COL11A2: variants seen among roughly 807,000 people sequenced by gnomAD.
COL11A2 encodes collagen type XI alpha 2 chain, also known as collagen alpha-2(XI) chain.
A neutral mutation model predicts 273.4 loss-of-function variants in COL11A2; 116 were observed. The ratio of observed to expected loss-of-function variants is 0.42; its 90% CI spans 0.36 to 0.49. The LOEUF (loss-of-function observed/expected upper bound fraction) is 0.49. COL11A2 is among the 20% of genes least tolerant of loss of function. The pLI, the probability that COL11A2 is intolerant of heterozygous loss-of-function variation, is 0.00. For synonymous variants in COL11A2, 782 were observed against 864.2 expected (o/e 0.90, Z 1.67); for missense variants, 1,866 against 2,309.0 (o/e 0.81, Z 3.93).
At position 33,189,859 on chromosome 6, in the gene COL11A2, C is replaced by T. The variant is rs1310015317; in HGVS notation, c.83-390G>A. Among the ~76,000 whole-genome samples, 3 of 152,166 alleles carry T rather than the reference C, an allele frequency of 2.0e-5. No homozygotes were observed. The highest frequency in any genetic ancestry group is 4.4e-5 in the Non-Finnish European group (3 of 68,006). Reference sequence around the variant, plus strand: ...TCTCTTTATGTTGGTCTTTCTGTCTCTGTCTCTTCTGTCTTCCTCCATTTC... The same window carrying T: ...TCTCTTTATGTTGGTCTTTCTGTCTTTGTCTCTTCTGTCTTCCTCCATTTC... On this transcript the variant is annotated intron_variant, in intron 1 of 65. Transcript: ENST00000341947. The surrounding 1 kb of genome is among the most constrained non-coding windows in gnomAD (Gnocchi z 5.6).
Position 33,169,284 on chromosome 6 carries a change from C to T in COL11A2, c.3798+99G>A, listed in dbSNP as rs115196704. The T allele has an allele frequency of 9.1e-3, 10,424 of 1,144,754 alleles. 212 individuals carry two copies. The highest frequency in any genetic ancestry group is 0.067 in the African/African-American group (4,358 of 65,256). 70.9% of individuals were successfully genotyped at this position (1,144,754 alleles called of 1,614,324 possible). ...CCAGAGCATCCCCCAAACTCCCGGGCTCCCCACACTCCAAGATCCTCCCTC... is the reference window on the plus strand; with the variant it reads ...CCAGAGCATCCCCCAAACTCCCGGGTTCCCCACACTCCAAGATCCTCCCTC... On this transcript the variant is annotated intron_variant, in intron 51 of 65. Coordinates refer to ENST00000341947, the MANE Select transcript of COL11A2 (RefSeq NM_080680.3). The surrounding 1 kb of genome is among the most constrained non-coding windows in gnomAD (Gnocchi z 5.5).
chr6:33,185,358 G>A (rs768610492), intron 6 of COL11A2, among the ~76,000 whole-genome samples: 4 of 152,150 alleles, frequency 2.6e-5, no homozygotes, highest in Non-Finnish European at 5.9e-5. Context: ...GCTGGGCATC[G>A]GGAAAGGGGA....
At position 33,172,650 on chromosome 6, in the gene COL11A2, A is replaced by G; in HGVS notation, c.2791-13T>C. On this transcript the variant is annotated splice_polypyrimidine_tract_variant and intron_variant, in intron 38 of 65. Coordinates refer to ENST00000341947, the MANE Select transcript of COL11A2 (RefSeq NM_080680.3). ...CTCCTGCTGCTCCCTAGACAAAAGC[A>G]GAGAGAGTTCCTGCTCTCAGGCCCT... 6.2e-7 allele frequency: 1 copy of G among 1,608,312 alleles called. No homozygotes were observed. Among genetic ancestry groups the G allele is most frequent in the Non-Finnish European group, 8.5e-7 (1 of 1,177,126 alleles).
At chr6:33,180,820 G>A (rs1324585370) in intron 10 of COL11A2, 90 bp from the exon 11 acceptor site, 3 of 1,564,526 alleles carry the variant, frequency 1.9e-6, no homozygotes, top group Admixed American at 3.4e-5. Context: ...GTGCAGAACA[G>A]ATCTGGGAAT....
chr6:33,176,912 G>C lies in COL11A2; in HGVS notation c.2070+80C>G, dbSNP rs56149439. 5.8e-6 allele frequency: 9 copies of C among 1,546,532 alleles called. No homozygotes were observed. In the Admixed American group the frequency reaches 1.7e-4, roughly 29 times the overall value. ...ACCACCAGTGACCTTTCAGTGCAAG[G>C]GTCACTAAAGGAGCTCTGAGGTCAT... On this transcript the variant is annotated intron_variant, in intron 25 of 65. Transcript: ENST00000341947. This position sits in a 1 kb window ranked among gnomAD's most constrained non-coding sequence, Gnocchi z 4.9.
At position 33,177,037 on chromosome 6, in the gene COL11A2, T is replaced by C. The variant is rs1042674772; in HGVS notation, c.2025A>G (p.Gln675=). 2 of 1,612,156 alleles carry C rather than the reference T, an allele frequency of 1.2e-6. No individual in the cohort carries two copies. Among genetic ancestry groups the C allele is most frequent in the Non-Finnish European group, 8.5e-7 (1 of 1,179,644 alleles). Residue 675 remains glutamine (Q), a synonymous_variant, in exon 25 of 66, where the codon CAA becomes CAG. Transcript: ENST00000341947. This position sits in a 1 kb window ranked among gnomAD's most constrained non-coding sequence, Gnocchi z 5.9. ...GCATGCCGGGGAGCCCTGGCTTCCCTTGAGGACCCTGCAGGAAGACAAAGA... is the reference window on the plus strand; with the variant it reads ...GCATGCCGGGGAGCCCTGGCTTCCCCTGAGGACCCTGCAGGAAGACAAAGA... ...AIGPHGEKGP[Q]GKPGLPGMPG... is the part of the protein sequence containing the mutation.
rs1194279117 is a variant in COL11A2, at chr6:33,170,721, TGCATCG to T, written c.3474+83_3474+88del. Reference sequence around the variant, plus strand: ...CTCAGACTCCGCAGGCCCTCCAGTCTGCATCGGCAGGCTGCTGGCAGAGTCTGGGGC... The same window carrying T: ...CTCAGACTCCGCAGGCCCTCCAGTCTGCAGGCTGCTGGCAGAGTCTGGGGC... On this transcript the variant is annotated intron_variant, in intron 46 of 65. Coordinates refer to ENST00000341947, the MANE Select transcript of COL11A2 (RefSeq NM_080680.3). This position sits in a 1 kb window ranked among gnomAD's most constrained non-coding sequence, Gnocchi z 4.3. 2.0e-5 allele frequency: 32 copies of T among 1,581,752 alleles called. No individual in the cohort carries two copies. Among genetic ancestry groups the T allele is most frequent in the Non-Finnish European group, 2.8e-5 (32 of 1,152,012 alleles).
Position 33,163,302 on chromosome 6 carries a change from CTT to C in COL11A2, c.*374_*375del. 4.0e-6 allele frequency: 1 copy of C among 253,116 alleles called. No homozygotes were observed. The allele number at this position is 253,116 out of a possible 1,614,324, so 15.7% of individuals were successfully genotyped here. A position where few individuals can be genotyped will look rare whatever the true frequency, so the allele number is the denominator to read the frequency against. ...TCTGCTGATTTTTGTTGGCGTTTCT[CTT>C]TTTTGTTATTTTGCTTTCCACACTT... On this transcript the variant is annotated 3_prime_UTR_variant, in exon 66 of 66. Coordinates refer to ENST00000341947, the MANE Select transcript of COL11A2 (RefSeq NM_080680.3). This position sits in a 1 kb window ranked among gnomAD's most constrained non-coding sequence, Gnocchi z 4.1.
chr6:33,167,773 C>T lies in COL11A2; in HGVS notation c.4014+26G>A. ...GGGGTGGGAGGCGGAGGGGATGCTC[C>T]AGCACTAGGGCAGCCTGTCCCTCAC... On this transcript the variant is annotated intron_variant, in intron 55 of 65. Coordinates refer to ENST00000341947, the MANE Select transcript of COL11A2 (RefSeq NM_080680.3). This position sits in a 1 kb window ranked among gnomAD's most constrained non-coding sequence, Gnocchi z 6.1. The T allele has an allele frequency of 1.2e-6, 2 of 1,612,508 alleles. No individual in the cohort carries two copies. Among genetic ancestry groups the T allele is most frequent in the Non-Finnish European group, 1.7e-6 (2 of 1,179,812 alleles).
rs200947059 is a variant in COL11A2 at position 33,164,845 on chromosome 6, C to G, written c.4863+7G>C. 1.3e-6 allele frequency: 2 copies of G among 1,553,428 alleles called. No homozygotes were observed. Among genetic ancestry groups the G allele is most frequent in the South Asian group, 2.4e-5 (2 of 84,168 alleles). ...CAGGGGAGGGGCAGCGAGGGGCCAGCTCTCACCTGCGTGACGTCATCCCTA... is the reference window on the plus strand; with the variant it reads ...CAGGGGAGGGGCAGCGAGGGGCCAGGTCTCACCTGCGTGACGTCATCCCTA... On this transcript the variant is annotated splice_region_variant and intron_variant, in intron 64 of 65. Coordinates refer to ENST00000341947, the MANE Select transcript of COL11A2 (RefSeq NM_080680.3). The surrounding 1 kb of genome is among the most constrained non-coding windows in gnomAD (Gnocchi z 4.7).
Position 33,163,616 on chromosome 6 carries a change from C to T in COL11A2, c.*62G>A, listed in dbSNP as rs1337534960. On this transcript the variant is annotated 3_prime_UTR_variant, in exon 66 of 66. Transcript: ENST00000341947. This position sits in a 1 kb window ranked among gnomAD's most constrained non-coding sequence, Gnocchi z 4.1. ...AGCCCTCTTGGGAGGTGGCACAGAG[C>T]TGATGTTGTGGGATTCCAGGTGGGC... is the stretch of plus-strand genomic sequence containing the variant. 1.2e-6 allele frequency: 2 copies of T among 1,612,056 alleles called. No homozygotes were observed. Among genetic ancestry groups the T allele is most frequent in the Non-Finnish European group, 1.7e-6 (2 of 1,179,282 alleles).
intron 6 of COL11A2, among the ~76,000 whole-genome samples, chr6:33,185,322 A>T (rs560780713): frequency 1.3e-5 from 2 of 152,250 alleles, no homozygotes; most frequent in South Asian, 4.2e-4. Context: ...GGGCGGGGCC[A>T]GGCAGTGGGG....
At chr6:33,183,431 G>C (rs370799187) in intron 8 of COL11A2, among the ~76,000 whole-genome samples, 1 of 152,196 alleles carries the variant, frequency 6.6e-6, no homozygotes, top group African/African-American at 2.4e-5. Flanking sequence ...TGACAGTGAA[G>C]GGTAATTCTT....
intron 29 of COL11A2, 134 bp downstream of exon 29, chr6:33,175,882 G>T (rs1039296674): frequency 3.3e-6 from 4 of 1,202,624 alleles, no homozygotes; most frequent in East Asian, 4.6e-5. Context: ...TCCTGTAGGG[G>T]TCAGGCTCCC....
rs574268850 is a variant in COL11A2 at position 33,186,494 on chromosome 6, G to A, written c.798+133C>T. On this transcript the variant is annotated intron_variant, in intron 5 of 65. Transcript: ENST00000341947. ...TTTAGATGAAAATAAAAAGGCTGAT[G>A]AATGAGGACTAGGAGGAGGGGGTGA... 5.6e-4 allele frequency: 857 copies of A among 1,525,174 alleles called. 1 individual carries two copies. Among genetic ancestry groups the A allele is most frequent in the Non-Finnish European group, 7.1e-4 (811 of 1,137,972 alleles). The allele number at this position is 1,525,174 out of a possible 1,614,324, so 94.5% of individuals were successfully genotyped here.
At chr6:33,174,483 G>A (rs1428147981) in intron 31 of COL11A2, 44 bp downstream of exon 31, 2 of 1,605,728 alleles carry the variant, frequency 1.2e-6, no homozygotes, top group South Asian at 1.1e-5. Flanking sequence ...AAGCGAAGAG[G>A]AGGAGGGAAG....
chr6:33,188,926 A>G, intron 3 of COL11A2, 52 bp downstream of exon 3: 1 of 1,598,518 alleles, frequency 6.3e-7, no homozygotes, highest in South Asian at 1.1e-5. Flanking sequence ...GTTTGGGGGC[A>G]CTTCCTCCTG....
Position 33,166,402 on chromosome 6 carries a change from C to G in COL11A2, c.4392+111G>C. 1 of 1,375,828 alleles carries G rather than the reference C, an allele frequency of 7.3e-7. No homozygotes were observed. The highest frequency in any genetic ancestry group is 1.0e-6 in the Non-Finnish European group (1 of 991,454). 85.2% of individuals were successfully genotyped at this position (1,375,828 alleles called of 1,614,324 possible). A position where few individuals can be genotyped will look rare whatever the true frequency, so the allele number is the denominator to read the frequency against. On this transcript the variant is annotated intron_variant, in intron 60 of 65. Coordinates refer to ENST00000341947, the MANE Select transcript of COL11A2 (RefSeq NM_080680.3). This position sits in a 1 kb window ranked among gnomAD's most constrained non-coding sequence, Gnocchi z 4.8. ...GGTGGTGACAGGACAAATGGGGGAC[C>G]CTGAGGACTATGCTTGTTAGGCTGG... is the stretch of plus-strand genomic sequence containing the variant.
At position 33,177,951 on chromosome 6, in the gene COL11A2, GCCCTC is replaced by G; in HGVS notation, c.1872+176_1872+180del. 1.3e-6 allele frequency: 1 copy of G among 788,076 alleles called. No homozygotes were observed. The highest frequency in any genetic ancestry group is 1.7e-5 in the African/African-American group (1 of 58,022). The allele number at this position is 788,076 out of a possible 1,614,324, so 48.8% of individuals were successfully genotyped here. On this transcript the variant is annotated intron_variant, in intron 21 of 65. Coordinates refer to ENST00000341947, the MANE Select transcript of COL11A2 (RefSeq NM_080680.3). The surrounding 1 kb of genome is among the most constrained non-coding windows in gnomAD (Gnocchi z 5.9). ...AGCCCTCAGGGCACCACGCCACATG[GCCCTC>G]CCTGTGCACGGGGAGCGAATGCTGA...
Sources: allele counts gnomAD v4.1 joint callset (sites outside exome capture counted in the v4.1 genomes callset), GRCh38; gene constraint gnomAD v4.1.1; non-coding constraint Gnocchi (gnomAD v3.1); transcripts MANE v1.5; gene names NCBI Gene and HGNC (gene_info 2026-07-23, HGNC 2026-07-21).